Variants in SLCO1C1 observed in about 807,000 individuals in gnomAD.
The protein encoded by SLCO1C1 is OAT-RP-5.
In SLCO1C1, 70 loss-of-function variants were observed where a neutral mutation model predicts 76.4. The observed-to-expected ratio is 0.92, with a 90% CI of 0.76 to 1.12. SLCO1C1 has a LOEUF of 1.12. Ranked by LOEUF, SLCO1C1 falls within the 50% of genes most tolerant of loss-of-function variation. The probability of loss-of-function intolerance (pLI) is 0.00; values close to 1 mark genes in which losing one functional copy is unlikely to be tolerated. For missense variants in SLCO1C1, 912 were observed against 823.8 expected, an observed-to-expected ratio of 1.11 and a Z score of -1.31; for synonymous variants, 306 against 286.1, an observed-to-expected ratio of 1.07 and a Z score of -0.70.
In SLCO1C1 at chr12:20,737,265, A is replaced by G; in HGVS notation, c.1541A>G (p.Lys514Arg). The G allele has an allele frequency of 6.4e-7, 1 of 1,555,862 alleles. No individual in the cohort carries two copies. The highest frequency in any genetic ancestry group is 2.5e-5 in the East Asian group (1 of 40,768). ...TGTCAAACCTCCAACAGGAGTGGAA[A>G]AAATATTGTAAGAAATCACCTCTCA... Reference protein sequence around the residue: ...AGCQTSNRSGKNIIFYNCTCV... With the variant: ...AGCQTSNRSGRNIIFYNCTCV... The change falls in exon 11 of 15, where the codon AAA becomes AGA. Residue 514 changes from lysine (K) to arginine (R), a missense_variant. Transcript: ENST00000266509.
chr12:20,699,650 T>C lies in SLCO1C1; in HGVS notation c.74T>C (p.Phe25Ser). The change falls in exon 2 of 15, where the codon TTT becomes TCT. Residue 25 changes from phenylalanine (F) to serine (S), a missense_variant. Coordinates refer to ENST00000266509, the MANE Select transcript of SLCO1C1 (RefSeq NM_017435.5). The part of the protein sequence containing the change: ...TSVQPVGRPS[F>S]KTEYPSSEEK... ...GTGCAACCTGTTGGAAGGCCTTCTTTTAAAACAGAATATCCCTCCTCAGAA... is the reference window on the plus strand; with the variant it reads ...GTGCAACCTGTTGGAAGGCCTTCTTCTAAAACAGAATATCCCTCCTCAGAA... 1.2e-6 allele frequency: 2 copies of C among 1,612,568 alleles called. No individual in the cohort carries two copies. The highest frequency in any genetic ancestry group is 1.7e-6 in the Non-Finnish European group (2 of 1,179,202).
chr12:20,750,782 A>G lies in SLCO1C1; in HGVS notation c.1906A>G (p.Asn636Asp). ...SRGSCRLYDSNVFRHIYLGLT... is the reference protein window; with the variant it reads ...SRGSCRLYDSDVFRHIYLGLT... ...AGGATCATGCAGATTATATGATTCAAATGTCTTCAGGTACCAAATCAAAAG... is the reference window on the plus strand; with the variant it reads ...AGGATCATGCAGATTATATGATTCAGATGTCTTCAGGTACCAAATCAAAAG... The change falls in exon 14 of 15, where the codon AAT (asparagine) becomes GAT (aspartate). Residue 636 changes from asparagine (N) to aspartate (D), a missense_variant. Asn to Asp is a conservative substitution (Grantham distance 23, BLOSUM62 1). Coordinates refer to ENST00000266509, the MANE Select transcript of SLCO1C1 (RefSeq NM_017435.5). 1 of 1,614,004 alleles carries G rather than the reference A, an allele frequency of 6.2e-7. No individual in the cohort carries two copies. Among genetic ancestry groups the G allele is most frequent in the Non-Finnish European group, 8.5e-7 (1 of 1,179,914 alleles).
In SLCO1C1 at chr12:20,723,203, TACATTGA is replaced by T. The variant is rs765600221; in HGVS notation, c.1136_1142del (p.Tyr379CysfsTer14). 1.3e-5 allele frequency: 21 copies of T among 1,614,116 alleles called. No individual in the cohort carries two copies. The East Asian group carries it at 2.5e-4, about 19-fold the overall frequency. On this transcript the variant is annotated frameshift_variant, in exon 9 of 15. Coordinates refer to ENST00000266509, the MANE Select transcript of SLCO1C1 (RefSeq NM_017435.5). LOFTEE classifies it high-confidence loss of function. ...CGGCATGGTGACGTACAAACCAAAG[TACATTGA>T]GCAGCAGTATGGACAGTCATCCTCC... is the stretch of plus-strand genomic sequence containing the variant.
intron 5 of SLCO1C1, 104 bp from the exon 6 acceptor site, chr12:20,715,035 T>A: frequency 7.2e-7 from 1 of 1,397,748 alleles, no homozygotes; most frequent in Non-Finnish European, 9.8e-7. Context: ...GCACAAAAAC[T>A]CCTGCATTCT....
chr12:20,710,142 T>G (rs2120667124), intron 4 of SLCO1C1, among the ~76,000 whole-genome samples: 1 of 151,648 alleles, frequency 6.6e-6, no homozygotes, highest in Non-Finnish European at 1.5e-5. Flanking sequence ...AACTTGAATA[T>G]TTCAGTAATG....
In SLCO1C1 at chr12:20,705,953, T is replaced by A; in HGVS notation, c.276T>A (p.Asn92Lys). The A allele has an allele frequency of 6.2e-7, 1 of 1,612,526 alleles. No homozygotes were observed. The highest frequency in any genetic ancestry group is 8.5e-7 in the Non-Finnish European group (1 of 1,179,104). The stretch of plus-strand genomic sequence containing the variant: ...GTTTTATTCTTTTCCTCAAAGGGAA[T>A]CTCTTAGTTATAACATTTGTTAGCT... ...GVIDGSFEIG[N>K]LLVITFVSYF... Residue 92 changes from asparagine to lysine, a missense_variant, in exon 4 of 15, where the codon AAT becomes AAA. Asn to Lys is a moderately conservative substitution (Grantham distance 94). Coordinates refer to ENST00000266509, the MANE Select transcript of SLCO1C1 (RefSeq NM_017435.5).
chr12:20,711,201 G>A (rs1947079513), intron 4 of SLCO1C1, among the ~76,000 whole-genome samples, 185 bp from the exon 5 acceptor site: 1 of 152,182 alleles, frequency 6.6e-6, no homozygotes, highest in African/African-American at 2.4e-5. Context: ...TAGAGTCTAT[G>A]AGCCAGATCT....
Position 20,750,676 on chromosome 12 carries a change from A to G in SLCO1C1, c.1800A>G (p.Ala600=), listed in dbSNP as rs2120942925. The G allele has an allele frequency of 6.2e-7, 1 of 1,613,714 alleles. No homozygotes were observed. Among genetic ancestry groups the G allele is most frequent in the East Asian group, 2.2e-5 (1 of 44,854 alleles). The change falls in exon 14 of 15, where the codon GCA becomes GCG. Residue 600 remains alanine (A), a splice_region_variant and synonymous_variant. Transcript: ENST00000266509. ...AGCAATTATTTGTTTTTCTCACAGC[A>G]GGAATCCCAGCTCCAGTGTATTTTG... ...GIYTLAIRVL[A]GIPAPVYFGV... is the part of the protein sequence containing the mutation.
At position 20,752,905 on chromosome 12, in the gene SLCO1C1, C is replaced by T. The variant is rs923213769; in HGVS notation, c.*377C>T. ...GTAATGTGTCTAGAGTAAGCAAATA[C>T]TGCTAACAATTAACTCATACCTTGG... On this transcript the variant is annotated 3_prime_UTR_variant, in exon 15 of 15. Coordinates refer to ENST00000266509, the MANE Select transcript of SLCO1C1 (RefSeq NM_017435.5). 8 of 153,806 alleles carry T rather than the reference C, an allele frequency of 5.2e-5. No homozygotes were observed. Among genetic ancestry groups the T allele is most frequent in the Non-Finnish European group, 8.7e-5 (6 of 69,246 alleles). The allele number at this position is 153,806 out of a possible 1,614,324, so 9.5% of individuals were successfully genotyped here.
intron 9 of SLCO1C1, among the ~76,000 whole-genome samples, chr12:20,727,503 CTTTGT>C (rs1948073702): frequency 6.6e-6 from 1 of 151,912 alleles, no homozygotes; most frequent in Non-Finnish European, 1.5e-5. Context: ...ACGTTTTTTG[CTTTGT>C]TTTGTTTTGC....
At chr12:20,735,270 T>C (rs186638810) in intron 10 of SLCO1C1, among the ~76,000 whole-genome samples, 1 of 152,294 alleles carries the variant, frequency 6.6e-6, no homozygotes, top group Admixed American at 6.5e-5. Context: ...TCTTCTGCAA[T>C]AACAAGGACA....
In SLCO1C1 at chr12:20,717,195, C is replaced by T; in HGVS notation, c.740C>T (p.Ala247Val). 4 of 1,597,214 alleles carry T rather than the reference C, an allele frequency of 2.5e-6. No individual in the cohort carries two copies. The highest frequency in any genetic ancestry group is 3.4e-6 in the Non-Finnish European group (4 of 1,174,460). Reference sequence around the variant, plus strand: ...GGTTTCCTGTTAGGCTCATTATGTGCCAAACTATATGTTGACATTGGCTTT... The same window carrying T: ...GGTTTCCTGTTAGGCTCATTATGTGTCAAACTATATGTTGACATTGGCTTT... ...IFGFLLGSLC[A>V]KLYVDIGFVN... Residue 247 changes from alanine to valine, a missense_variant, in exon 7 of 15, where the codon GCC becomes GTC. Transcript: ENST00000266509.
chr12:20,749,827 G>A (rs924708851), intron 13 of SLCO1C1, among the ~76,000 whole-genome samples: 6 of 152,188 alleles, frequency 3.9e-5, no homozygotes, highest in African/African-American at 1.4e-4. Flanking sequence ...GTAAAACAAT[G>A]AGAATTAATG....
chr12:20,711,319 C>T, intron 4 of SLCO1C1, 67 bp from the exon 5 acceptor site: 1 of 1,538,688 alleles, frequency 6.5e-7, no homozygotes, highest in African/African-American at 1.4e-5. Context: ...ATTCGTGTAG[C>T]ATACACATAA....
At chr12:20,712,789 A>G (rs1190685339) in intron 5 of SLCO1C1, among the ~76,000 whole-genome samples, 2 of 152,142 alleles carry the variant, frequency 1.3e-5, no homozygotes, top group Admixed American at 1.3e-4. Flanking sequence ...AGGACTAAAA[A>G]CATATGGAAA....
chr12:20,723,458 T>C (rs1016679743), intron 9 of SLCO1C1, among the ~76,000 whole-genome samples: 6 of 152,160 alleles, frequency 3.9e-5, no homozygotes, highest in African/African-American at 1.4e-4. Context: ...CTTGAAGTGA[T>C]ATCATAGAGA....
In SLCO1C1 at chr12:20,743,376, TTAACC is replaced by T. The variant is rs780031616; in HGVS notation, c.1798+10_1798+14del. ...TTAGCAATAAGAGTTCTTGGTAAGT[TTAACC>T]TATGCTTTAATTTATGGTAGACACC... On this transcript the variant is annotated splice_region_variant and intron_variant, in intron 13 of 14. Coordinates refer to ENST00000266509, the MANE Select transcript of SLCO1C1 (RefSeq NM_017435.5). 5 of 1,607,742 alleles carry T rather than the reference TTAACC, an allele frequency of 3.1e-6. No homozygotes were observed. In the African/African-American group the frequency reaches 6.7e-5, roughly 21 times the overall value.
At chr12:20,708,054 G>A in intron 4 of SLCO1C1, among the ~76,000 whole-genome samples, 1 of 152,114 alleles carries the variant, frequency 6.6e-6, no homozygotes. Context: ...CATGAAGCTT[G>A]CTCTCTACTG....
chr12:20,745,751 G>C (rs999631747), intron 13 of SLCO1C1, among the ~76,000 whole-genome samples: 2 of 151,730 alleles, frequency 1.3e-5, no homozygotes, highest in Non-Finnish European at 2.9e-5. Context: ...CTTGAACCTG[G>C]TAGGCAGAGG....
Sources: allele counts gnomAD v4.1 joint callset (sites outside exome capture counted in the v4.1 genomes callset), GRCh38; gene constraint gnomAD v4.1.1; transcripts MANE v1.5; gene names NCBI Gene and HGNC (gene_info 2026-07-23, HGNC 2026-07-21).